The following HERC2 variants were observed in gnomAD, a reference collection of about 807,000 sequenced individuals.
HERC2 encodes the protein HECT and RLD domain containing E3 ubiquitin protein ligase 2.
Under a neutral mutation model 537.7 loss-of-function variants are expected in HERC2, and 102 were observed. The ratio of observed to expected loss-of-function variants is 0.19; its 90% CI spans 0.16 to 0.22. The LOEUF (loss-of-function observed/expected upper bound fraction) is 0.22. Ranked by LOEUF, HERC2 falls within the 10% of genes least tolerant of loss-of-function variation. The pLI, the probability that HERC2 is intolerant of heterozygous loss-of-function variation, is 1.00. For missense variants in HERC2, 4,236 were observed against 6,198.2 expected (o/e 0.68, Z 10.63); for synonymous variants, 2,224 against 2,466.2 (o/e 0.90, Z 2.91).
At chr15:28,243,321 A>G (rs1474331969) in intron 23 of HERC2, among the ~76,000 whole-genome samples, 2 of 152,246 alleles carry the variant, frequency 1.3e-5, no homozygotes, top group Non-Finnish European at 2.9e-5. Context: ...TAAGGTGTAA[A>G]AGAAAATCTG....
At chr15:28,146,517 G>A (rs1258317448) in intron 70 of HERC2, among the ~76,000 whole-genome samples, 173 bp from the exon 71 acceptor site, 1 of 152,266 alleles carries the variant, frequency 6.6e-6, no homozygotes, top group Non-Finnish European at 1.5e-5. Flanking sequence ...CATCCCCACT[G>A]AAGATCATGT....
chr15:28,269,706 T>G lies in HERC2; in HGVS notation c.1258-270A>C, dbSNP rs186872885. Among the ~76,000 whole-genome samples, 250 of 152,358 alleles carry G rather than the reference T, an allele frequency of 1.6e-3. 1 individual carries two copies. The highest frequency in any genetic ancestry group is 5.8e-3 in the African/African-American group (243 of 41,592). The stretch of plus-strand genomic sequence containing the variant: ...TAAATGGCCCTTAAATACTAATATA[T>G]TTTTAAATGCTCAAACTATATCAGG... On this transcript the variant is annotated intron_variant, in intron 10 of 92. Coordinates refer to ENST00000261609, the MANE Select transcript of HERC2 (RefSeq NM_004667.6).
intron 83 of HERC2, among the ~76,000 whole-genome samples, chr15:28,126,773 G>A (rs1286958612): frequency 6.6e-6 from 1 of 152,078 alleles, no homozygotes; most frequent in African/African-American, 2.4e-5. Flanking sequence ...ACACTACTTG[G>A]GTGATGGGAG....
intron 16 of HERC2, 117 bp downstream of exon 16, chr15:28,260,660 A>G: frequency 1.3e-6 from 1 of 792,478 alleles, no homozygotes; most frequent in Non-Finnish European, 2.0e-6. Context: ...TGAGTTTAGC[A>G]CAACTGCAGG....
At position 28,176,384 on chromosome 15, in the gene HERC2, C is replaced by G; in HGVS notation, c.9686+44G>C. On this transcript the variant is annotated intron_variant, in intron 63 of 92. Coordinates refer to ENST00000261609, the MANE Select transcript of HERC2 (RefSeq NM_004667.6). The surrounding 1 kb of genome is among the most constrained non-coding windows in gnomAD (Gnocchi z 5.0). ...GCGAGGCCCAGGTTCCCTGCACACACCTGCACAAGCACACACAGTGTGACA... is the reference window on the plus strand; with the variant it reads ...GCGAGGCCCAGGTTCCCTGCACACAGCTGCACAAGCACACACAGTGTGACA... 1.9e-6 allele frequency: 3 copies of G among 1,602,870 alleles called. No individual in the cohort carries two copies. The highest frequency in any genetic ancestry group is 1.7e-6 in the Non-Finnish European group (2 of 1,171,154).
In HERC2 at chr15:28,222,344, A is replaced by G. The variant is rs1346613154; in HGVS notation, c.5465-129T>C. The G allele has an allele frequency of 5.9e-5, 33 of 560,642 alleles. 1 individual carries two copies. The highest frequency in any genetic ancestry group is 1.0e-4 in the Non-Finnish European group (32 of 311,448). 34.7% of individuals were successfully genotyped at this position (560,642 alleles called of 1,614,324 possible). The stretch of plus-strand genomic sequence containing the variant: ...ACAATCCATACTATATGTTTTATCA[A>G]TATAATATTATGAATATTTTACTGA... On this transcript the variant is annotated intron_variant, in intron 35 of 92. Coordinates refer to ENST00000261609, the MANE Select transcript of HERC2 (RefSeq NM_004667.6).
chr15:28,214,009 T>A, intron 41 of HERC2, 37 bp from the exon 42 acceptor site: 4 of 1,610,026 alleles, frequency 2.5e-6, no homozygotes, highest in Non-Finnish European at 3.4e-6. Flanking sequence ...ACAGAGACAC[T>A]CACGGAGCTG....
chr15:28,230,306 T>A, intron 31 of HERC2, 61 bp downstream of exon 31: 1 of 1,536,122 alleles, frequency 6.5e-7, no homozygotes, highest in Non-Finnish European at 8.9e-7. Flanking sequence ...AGACTGTGGA[T>A]TCCTGTGCTA....
chr15:28,286,999 G>A (rs1000593899), intron 4 of HERC2, among the ~76,000 whole-genome samples: 7 of 152,210 alleles, frequency 4.6e-5, no homozygotes, highest in East Asian at 1.9e-4. Flanking sequence ...GATAAAGCAC[G>A]TGGGATAATG....
At chr15:28,264,035 A>AAAAC (rs1316433192) in intron 14 of HERC2, among the ~76,000 whole-genome samples, 3 of 151,254 alleles carry the variant, frequency 2.0e-5, no homozygotes, top group Non-Finnish European at 2.9e-5. Flanking sequence ...AAAAAAAAAA[A>AAAAC]AAACAAACAA....
In HERC2 at chr15:28,269,274, T is replaced by C; in HGVS notation, c.1420A>G (p.Thr474Ala). The change falls in exon 11 of 93, where the codon ACA (threonine) becomes GCA (alanine). Residue 474 changes from threonine to alanine, a missense_variant. Physicochemically the swap from Thr to Ala is moderately conservative, Grantham distance 58 (BLOSUM62 0). This residue lies in a region of HERC2 where 491 missense variants were observed against 559.3 expected (regional missense o/e 0.88). Coordinates refer to ENST00000261609, the MANE Select transcript of HERC2 (RefSeq NM_004667.6). The part of the protein sequence containing the change: ...LILSRNGRVY[T>A]QAYNSDTLAP... ...AGCGTGTCACTATTATAGGCCTGTGTGTACACGCGGCCATTGCGTGACAGA... is the reference window on the plus strand; with the variant it reads ...AGCGTGTCACTATTATAGGCCTGTGCGTACACGCGGCCATTGCGTGACAGA... The C allele has an allele frequency of 6.2e-7, 1 of 1,613,934 alleles. No homozygotes were observed. The highest frequency in any genetic ancestry group is 8.5e-7 in the Non-Finnish European group (1 of 1,179,906).
chr15:28,312,635 AT>A (rs1258669409), intron 2 of HERC2: 78 of 167,366 alleles, frequency 4.7e-4, no homozygotes, highest in African/African-American at 1.8e-3. Flanking sequence ...CATAAAAAAA[AT>A]AAAATAAAAT....
intron 24 of HERC2, 118 bp from the exon 25 acceptor site, chr15:28,238,335 G>C: frequency 2.3e-6 from 2 of 857,274 alleles, no homozygotes; most frequent in South Asian, 2.8e-5. Context: ...GGTTACCAGA[G>C]TATAATGACC....
At chr15:28,310,319 C>T (rs2076906896) in intron 2 of HERC2, among the ~76,000 whole-genome samples, 2 of 151,978 alleles carry the variant, frequency 1.3e-5, no homozygotes, top group Admixed American at 1.3e-4. Context: ...TGGTGGCGCG[C>T]CTGTACTCCC....
chr15:28,126,245 T>G (rs748423829), intron 83 of HERC2, among the ~76,000 whole-genome samples: 1 of 152,052 alleles, frequency 6.6e-6, no homozygotes, highest in Admixed American at 6.5e-5. Context: ...TAGAGGGCGA[T>G]AAAAACTAAC....
chr15:28,256,830 G>A (rs1394382153), intron 17 of HERC2, among the ~76,000 whole-genome samples: 3 of 152,116 alleles, frequency 2.0e-5, no homozygotes, highest in Non-Finnish European at 2.9e-5. Context: ...TCCTGACCTC[G>A]TGATCCACCC....
At chr15:28,170,981 G>A (rs1218916006) in intron 65 of HERC2, among the ~76,000 whole-genome samples, 2 of 152,134 alleles carry the variant, frequency 1.3e-5, no homozygotes. Flanking sequence ...TTAAAAAGAT[G>A]GTGAGGATAT....
At chr15:28,157,592 C>T (rs1893142089) in intron 69 of HERC2, among the ~76,000 whole-genome samples, 1 of 152,104 alleles carries the variant, frequency 6.6e-6, no homozygotes, top group African/African-American at 2.4e-5. Context: ...GTGGTGATAT[C>T]CCCTTTATCA....
intron 68 of HERC2, among the ~76,000 whole-genome samples, chr15:28,166,153 C>T (rs951891065): frequency 7.9e-5 from 12 of 152,206 alleles, no homozygotes; most frequent in African/African-American, 2.9e-4. Flanking sequence ...AAGAGAAAGG[C>T]ACACCCTCCA....
Sources: gnomAD v4.1 joint callset for allele counts (sites outside exome capture counted in the v4.1 genomes callset) on GRCh38, gnomAD v4.1.1 for gene constraint, gnomAD v4.1.1 regional missense constraint, Gnocchi (gnomAD v3.1) non-coding constraint, MANE v1.5 for transcripts, NCBI Gene and HGNC (gene_info 2026-07-23, HGNC 2026-07-21) for gene names.